LIMCH1: variants seen among roughly 807,000 people sequenced by gnomAD.
LIMCH1 encodes LIM and calponin homology domains-containing protein 1.
Under a neutral mutation model 176.5 loss-of-function variants are expected in LIMCH1, and 113 were observed. The ratio of observed to expected loss-of-function variants is 0.64; its 90% CI spans 0.55 to 0.75. The LOEUF is 0.75. LIMCH1 is among the 30% of genes least tolerant of loss of function. LIMCH1 has a pLI of 0.00. For missense variants in LIMCH1, 1,674 were observed against 1,814.9 expected (o/e 0.92, Z 1.41); for synonymous variants, 619 against 645.9 (o/e 0.96, Z 0.63).
intron 2 of LIMCH1, among the ~76,000 whole-genome samples, chr4:41,501,592 A>G (rs1184185624): frequency 6.6e-6 from 1 of 152,120 alleles, no homozygotes; most frequent in African/African-American, 2.4e-5. Flanking sequence ...GGATAATTCT[A>G]TGAAATATTT....
At chr4:41,533,881 A>T (rs917191080), upstream of LIMCH1, among the ~76,000 whole-genome samples, 1 of 152,224 alleles carries the variant, frequency 6.6e-6, no homozygotes, top group African/African-American at 2.4e-5. Context: ...CCTGGGTCTT[A>T]TCTGGAAGTG....
chr4:41,550,073 C>T (rs1316826090), intron 1 of LIMCH1, among the ~76,000 whole-genome samples: 1 of 151,554 alleles, frequency 6.6e-6, no homozygotes, highest in Non-Finnish European at 1.5e-5. Context: ...TAAAACTTGG[C>T]CATGTACCCA....
rs116137037 is a variant in LIMCH1 at position 41,446,524 on chromosome 4, T to C, written c.97-48012T>C. On this transcript the variant is annotated intron_variant, in intron 1 of 26. Transcript: ENST00000313860. ...AGTGAGCTTTGAATGCTGATTGCTTTATTTTATACTAGCTAATGAGTGAAT... is the reference window on the plus strand; with the variant it reads ...AGTGAGCTTTGAATGCTGATTGCTTCATTTTATACTAGCTAATGAGTGAAT... Among the ~76,000 whole-genome samples the C allele has an allele frequency of 4.6e-3, 703 of 152,328 alleles. 6 individuals are homozygous for C. The highest frequency in any genetic ancestry group is 0.015 in the African/African-American group (622 of 41,566).
intron 1 of LIMCH1, among the ~76,000 whole-genome samples, chr4:41,471,071 C>G (rs752970854): frequency 1.3e-4 from 18 of 138,752 alleles, no homozygotes; most frequent in Non-Finnish European, 2.4e-4. Context: ...CTAATCATGT[C>G]TAGAGGTTGG....
chr4:41,615,190 A>C (rs2091929183), intron 5 of LIMCH1, among the ~76,000 whole-genome samples: 1 of 152,232 alleles, frequency 6.6e-6, no homozygotes, highest in East Asian at 1.9e-4. Context: ...TGTCTTAACC[A>C]AACGATTTCA....
chr4:41,629,136 C>T (rs28434143), intron 8 of LIMCH1, among the ~76,000 whole-genome samples: 27,285 of 152,074 alleles, frequency 0.18, 4,917 homozygotes, highest in African/African-American at 0.47. Flanking sequence ...TCAGAAAACC[C>T]GAATTCATTA....
intron 1 of LIMCH1, among the ~76,000 whole-genome samples, chr4:41,368,331 C>G (rs2053423079): frequency 6.6e-6 from 1 of 152,164 alleles, no homozygotes; most frequent in Non-Finnish European, 1.5e-5. Flanking sequence ...CAATGTGCAG[C>G]ATAGTGTTAG....
intron 1 of LIMCH1, among the ~76,000 whole-genome samples, chr4:41,482,369 A>T (rs2154168129): frequency 6.6e-6 from 1 of 152,316 alleles, no homozygotes. Flanking sequence ...AGAGAGGAGA[A>T]AAACGCCTGC....
Position 41,538,238 on chromosome 4 carries a change from G to A in LIMCH1, c.-353G>A, listed in dbSNP as rs574599888. On this transcript the variant is annotated 5_prime_UTR_variant, in exon 1 of 32. Coordinates refer to ENST00000503057, the MANE Select transcript of LIMCH1 (RefSeq NM_001330672.2). ...GACTGTTTTGGGAAAGGAAATGTAA[G>A]GGCATTTCGGCTGCTGTGCTGGGGC... 29 of 985,440 alleles carry A rather than the reference G, an allele frequency of 2.9e-5. No individual in the cohort carries two copies. The highest frequency in any genetic ancestry group is 3.5e-5 in the Non-Finnish European group (29 of 830,018). 61.0% of individuals were successfully genotyped at this position (985,440 alleles called of 1,614,324 possible).
chr4:41,619,296 T>G lies in LIMCH1; in HGVS notation c.314T>G (p.Val105Gly). 6.2e-7 allele frequency: 1 copy of G among 1,614,184 alleles called. No individual in the cohort carries two copies. The highest frequency in any genetic ancestry group is 8.5e-7 in the Non-Finnish European group (1 of 1,180,026). ...RTSHGEPKSAVPFNQYLPNKS... is the reference protein window; with the variant it reads ...RTSHGEPKSAGPFNQYLPNKS... The stretch of plus-strand genomic sequence containing the variant: ...TCCCATGGTGAGCCGAAATCAGCAG[T>G]GCCTTTTAACCAGTACCTCCCGAAC... Residue 105 changes from valine to glycine, a missense_variant, in exon 6 of 32, where the codon GTG becomes GGG. By Grantham distance (109) the Val-to-Gly change is moderately radical. Coordinates refer to ENST00000503057, the MANE Select transcript of LIMCH1 (RefSeq NM_001330672.2).
chr4:41,584,615 T>C (rs751643952), intron 1 of LIMCH1, among the ~76,000 whole-genome samples: 10 of 152,220 alleles, frequency 6.6e-5, no homozygotes, highest in Non-Finnish European at 1.3e-4. Flanking sequence ...CCAAACTTTA[T>C]TTGATCCAGA....
At chr4:41,543,486 T>C (rs2078952196) in intron 1 of LIMCH1, among the ~76,000 whole-genome samples, 1 of 152,182 alleles carries the variant, frequency 6.6e-6, no homozygotes, top group Non-Finnish European at 1.5e-5. Context: ...ATATGACAAC[T>C]AAACTTTCGG....
chr4:41,684,286 T>A, intron 26 of LIMCH1, 111 bp from the exon 27 acceptor site: 1 of 823,688 alleles, frequency 1.2e-6, no homozygotes, highest in South Asian at 2.9e-5. Flanking sequence ...AAGAGTCCCA[T>A]CTCTTTTTTT....
At chr4:41,596,731 A>G (rs146652693) in intron 1 of LIMCH1, among the ~76,000 whole-genome samples, 1 of 152,250 alleles carries the variant, frequency 6.6e-6, no homozygotes, top group African/African-American at 2.4e-5. Flanking sequence ...ATGGGAGGGA[A>G]CTCTTACATT....
intron 1 of LIMCH1, among the ~76,000 whole-genome samples, chr4:41,371,742 A>G (rs895926379): frequency 1.3e-5 from 2 of 152,204 alleles, no homozygotes; most frequent in Non-Finnish European, 2.9e-5. Context: ...GAGTCCCCAC[A>G]TAGTGCCCAC....
intron 18 of LIMCH1, among the ~76,000 whole-genome samples, chr4:41,656,233 A>G (rs1337045901): frequency 6.6e-6 from 1 of 152,140 alleles, no homozygotes; most frequent in Non-Finnish European, 1.5e-5. Context: ...GAAACATTGC[A>G]TTTTGCAGTG....
chr4:41,656,032 G>C (rs555911299), intron 18 of LIMCH1, among the ~76,000 whole-genome samples: 4 of 152,138 alleles, frequency 2.6e-5, no homozygotes, highest in Non-Finnish European at 5.9e-5. Context: ...CATCAGGTTC[G>C]TGGCAATTTT....
intron 1 of LIMCH1, among the ~76,000 whole-genome samples, chr4:41,364,153 G>A (rs770629410): frequency 6.6e-6 from 1 of 152,164 alleles, no homozygotes; most frequent in Non-Finnish European, 1.5e-5. Context: ...ATTATTGAGA[G>A]CATCTGTAAA....
At chr4:41,569,520 G>A (rs539552338) in intron 1 of LIMCH1, among the ~76,000 whole-genome samples, 4 of 152,246 alleles carry the variant, frequency 2.6e-5, no homozygotes, top group South Asian at 4.1e-4. Context: ...ACTTGGAAAC[G>A]CGAAGTAAAA....
Sources: allele counts gnomAD v4.1 joint callset (sites outside exome capture counted in the v4.1 genomes callset), GRCh38; gene constraint gnomAD v4.1.1; transcripts MANE v1.5; gene names NCBI Gene and HGNC (gene_info 2026-07-23, HGNC 2026-07-21).